Variants in NAV3 observed in about 807,000 individuals in gnomAD.
The protein encoded by NAV3 is neuron navigator 3, also known as pore membrane and/or filament interacting like protein 1.
NAV3 carries 87 observed loss-of-function variants against 244.7 expected under a neutral mutation model. The observed-to-expected ratio is 0.36, with a 90% CI of 0.30 to 0.42. The LOEUF (loss-of-function observed/expected upper bound fraction) is 0.42, where lower values mean the gene tolerates loss of function less well. Ranked by LOEUF, NAV3 falls within the 20% of genes least tolerant of loss-of-function variation. The pLI is 1.00. For missense variants in NAV3, 2,663 were observed against 2,893.3 expected (o/e 0.92, Z 1.83); for synonymous variants, 1,126 against 1,042.2 (o/e 1.08, Z -1.55).
intron 1 of NAV3, among the ~76,000 whole-genome samples, chr12:77,842,331 C>T (rs1875811387): frequency 6.6e-6 from 1 of 152,008 alleles, no homozygotes; most frequent in Non-Finnish European, 1.5e-5. Context: ...TCTGTTCCAA[C>T]CTGCTCATCC....
intron 2 of NAV3, among the ~76,000 whole-genome samples, chr12:77,576,632 ACAT>A (rs1869098058): frequency 6.6e-6 from 1 of 152,130 alleles, no homozygotes; most frequent in African/African-American, 2.4e-5. Context: ...TGATAAAATA[ACAT>A]CATATACAAG....
At chr12:78,147,940 G>T (rs574056487) in intron 21 of NAV3, among the ~76,000 whole-genome samples, 9 of 152,150 alleles carry the variant, frequency 5.9e-5, no homozygotes, top group African/African-American at 2.2e-4. Context: ...ATAGAACCTA[G>T]TGTCAGATTG....
At chr12:77,790,888 G>A (rs995590911) in intron 2 of NAV3, among the ~76,000 whole-genome samples, 2 of 152,088 alleles carry the variant, frequency 1.3e-5, no homozygotes, top group Non-Finnish European at 2.9e-5. Flanking sequence ...GTATCTTCAT[G>A]CTTTCCTCTG....
At chr12:78,130,041 A>G (rs182389552) in intron 18 of NAV3, among the ~76,000 whole-genome samples, 2 of 152,274 alleles carry the variant, frequency 1.3e-5, no homozygotes, top group East Asian at 3.9e-4. Flanking sequence ...CTCAAACACC[A>G]TATACATTTG....
chr12:78,113,349 C>T (rs1010857412), intron 12 of NAV3, among the ~76,000 whole-genome samples: 2 of 152,244 alleles, frequency 1.3e-5, no homozygotes, highest in African/African-American at 4.8e-5. Context: ...TTCCCTTCCA[C>T]ACTGCCCTAG....
At chr12:78,191,230 A>C (rs1286131558) in intron 34 of NAV3, among the ~76,000 whole-genome samples, 1 of 152,178 alleles carries the variant, frequency 6.6e-6, no homozygotes, top group Non-Finnish European at 1.5e-5. Context: ...TCTCACCTGT[A>C]AAATGAGGGA....
At chr12:78,150,959 C>T (rs975178272) in intron 22 of NAV3, among the ~76,000 whole-genome samples, 1 of 151,746 alleles carries the variant, frequency 6.6e-6, no homozygotes, top group South Asian at 2.1e-4. Flanking sequence ...GCAGATAATA[C>T]ATAACTGAAC....
intron 1 of NAV3, among the ~76,000 whole-genome samples, chr12:77,846,156 A>C (rs1416390617): frequency 6.6e-6 from 1 of 152,144 alleles, no homozygotes; most frequent in African/African-American, 2.4e-5. Flanking sequence ...CCAAAAACAC[A>C]TCCAATACTA....
intron 2 of NAV3, among the ~76,000 whole-genome samples, chr12:77,740,225 A>C (rs1295134122): frequency 2.6e-5 from 4 of 152,294 alleles, no homozygotes; most frequent in Admixed American, 2.0e-4. Context: ...TTTCTTATGC[A>C]TACCAACTAC....
intron 30 of NAV3, 25 bp from the exon 31 acceptor site, chr12:78,185,576 A>T: frequency 6.3e-7 from 1 of 1,581,714 alleles, no homozygotes; most frequent in Non-Finnish European, 8.7e-7. Context: ...ACTGTTGTGT[A>T]TGTCTTTCTT....
chr12:78,149,486 T>C (rs765022417), intron 22 of NAV3, among the ~76,000 whole-genome samples: 14 of 152,058 alleles, frequency 9.2e-5, no homozygotes, highest in Non-Finnish European at 1.2e-4. Flanking sequence ...GCAGAAATGA[T>C]GACAATGAAG....
chr12:77,590,186 G>A (rs1008542371), intron 2 of NAV3, among the ~76,000 whole-genome samples: 1 of 152,168 alleles, frequency 6.6e-6, no homozygotes, highest in Non-Finnish European at 1.5e-5. Flanking sequence ...ACTTAAATTT[G>A]CACTCAGCAC....
At chr12:78,039,526 T>C (rs1382181457) in intron 9 of NAV3, among the ~76,000 whole-genome samples, 1 of 152,140 alleles carries the variant, frequency 6.6e-6, no homozygotes, top group Non-Finnish European at 1.5e-5. Context: ...AAACTAGAGT[T>C]ACTTCACACA....
rs142973390 is a variant in NAV3 at position 77,723,676 on chromosome 12, A to G, written c.72+151410A>G. ...TGAAAATAAAGGAGGGTCAATTGGA[A>G]GATCCTGATCCATAGTTAGTTGATG... is the stretch of plus-strand genomic sequence containing the variant. On this transcript the variant is annotated intron_variant, in intron 2 of 8. Transcript: ENST00000550042. Among the ~76,000 whole-genome samples the G allele has an allele frequency of 4.6e-5, 7 of 150,804 alleles. No individual in the cohort carries two copies. The East Asian group carries it at 1.4e-3, about 30-fold the overall frequency.
intron 15 of NAV3, among the ~76,000 whole-genome samples, chr12:78,121,059 T>A (rs1170257348): frequency 1.3e-5 from 2 of 152,216 alleles, no homozygotes; most frequent in African/African-American, 4.8e-5. Flanking sequence ...AAGCCAATAG[T>A]GCCCTCCTGT....
chr12:77,667,226 C>T (rs113239307), intron 2 of NAV3, among the ~76,000 whole-genome samples: 10 of 152,052 alleles, frequency 6.6e-5, no homozygotes, highest in East Asian at 1.9e-4. Context: ...CAAGAAATAC[C>T]GCAGGAACAT....
At chr12:78,198,201 A>T (rs1236067759) in intron 35 of NAV3, among the ~76,000 whole-genome samples, 1 of 151,934 alleles carries the variant, frequency 6.6e-6, no homozygotes, top group African/African-American at 2.4e-5. Context: ...GGAATGAAAG[A>T]ATACAAATTT....
chr12:77,818,157 T>C (rs1872591234), intron 2 of NAV3, among the ~76,000 whole-genome samples: 1 of 152,150 alleles, frequency 6.6e-6, no homozygotes, highest in African/African-American at 2.4e-5. Flanking sequence ...GCAAGTTTAA[T>C]AATTTAACCA....
chr12:78,020,601 T>C (rs541897599), intron 8 of NAV3, among the ~76,000 whole-genome samples: 2 of 152,288 alleles, frequency 1.3e-5, no homozygotes, highest in African/African-American at 2.4e-5. Flanking sequence ...TAGTTTTCCA[T>C]ACTTTATTAA....
Sources: gnomAD v4.1 joint callset for allele counts (sites outside exome capture counted in the v4.1 genomes callset) on GRCh38, gnomAD v4.1.1 for gene constraint, MANE v1.5 for transcripts, NCBI Gene and HGNC (gene_info 2026-07-23, HGNC 2026-07-21) for gene names.